The following SBF2 variants were observed in gnomAD, a reference collection of about 807,000 sequenced individuals.
SBF2 encodes myotubularin-related protein 13.
In SBF2, 112 loss-of-function variants were observed where a neutral mutation model predicts 225.2. The ratio of observed to expected loss-of-function variants is 0.50; its 90% CI spans 0.43 to 0.58. The LOEUF (loss-of-function observed/expected upper bound fraction) is 0.58, where lower values mean the gene tolerates loss of function less well. Ranked by LOEUF, SBF2 falls within the 20% of genes least tolerant of loss-of-function variation. The pLI is 0.00. For missense variants in SBF2, 1,996 were observed against 2,206.2 expected, an observed-to-expected ratio of 0.90 and a Z score of 1.91; for synonymous variants, 763 against 773.3, an observed-to-expected ratio of 0.99 and a Z score of 0.22.
At chr11:9,887,810 CT>C (rs907521794) in intron 17 of SBF2, among the ~76,000 whole-genome samples, 17 of 147,442 alleles carry the variant, frequency 1.2e-4, no homozygotes, top group Admixed American at 4.1e-4. Flanking sequence ...CCTCCCCTAT[CT>C]TTTTTTTTTG....
chr11:10,253,403 A>G (rs2096162969), intron 1 of SBF2, among the ~76,000 whole-genome samples: 1 of 152,196 alleles, frequency 6.6e-6, no homozygotes, highest in Admixed American at 6.5e-5. Context: ...ACTATATAAA[A>G]TCAAAAGTAA....
At chr11:10,106,346 G>A (rs1232582020) in intron 2 of SBF2, among the ~76,000 whole-genome samples, 9 of 152,164 alleles carry the variant, frequency 5.9e-5, no homozygotes, top group African/African-American at 2.2e-4. Context: ...AACACAACTG[G>A]CCGGGCACAG....
At chr11:10,062,277 T>C (rs1297246985) in intron 2 of SBF2, among the ~76,000 whole-genome samples, 1 of 152,176 alleles carries the variant, frequency 6.6e-6, no homozygotes, top group Non-Finnish European at 1.5e-5. Context: ...GATCTAGGAA[T>C]AGGCAAAGAT....
chr11:10,033,600 G>A lies in SBF2; in HGVS notation c.280-2430C>T, dbSNP rs1000400057. On this transcript the variant is annotated intron_variant, in intron 3 of 39. Transcript: ENST00000256190. ...AATATCTCTCCTATAAGAATGCAAT[G>A]TCCTAAGTTTAGAGAAAAAATTCTT... Among the ~76,000 whole-genome samples, 4 of 151,854 alleles carry A rather than the reference G, an allele frequency of 2.6e-5. No individual in the cohort carries two copies. In the East Asian group the frequency reaches 7.7e-4, roughly 29 times the overall value.
intron 2 of SBF2, among the ~76,000 whole-genome samples, chr11:10,165,655 G>A (rs1034251473): frequency 6.6e-6 from 1 of 152,130 alleles, no homozygotes; most frequent in African/African-American, 2.4e-5. Context: ...ACTTCAACTA[G>A]ATAGTATCTA....
intron 2 of SBF2, among the ~76,000 whole-genome samples, chr11:10,109,119 A>G (rs147574733): frequency 6.3e-4 from 96 of 152,234 alleles, no homozygotes; most frequent in African/African-American, 2.2e-3. Context: ...TTATTTAGAA[A>G]CCGCCAAATT....
intron 1 of SBF2, among the ~76,000 whole-genome samples, chr11:10,262,084 T>A (rs1210656403): frequency 6.6e-6 from 1 of 152,120 alleles, no homozygotes; most frequent in African/African-American, 2.4e-5. Context: ...TCATTATATG[T>A]GAACATTGCA....
intron 2 of SBF2, among the ~76,000 whole-genome samples, chr11:10,069,521 G>C (rs1950776929): frequency 6.6e-6 from 1 of 152,044 alleles, no homozygotes; most frequent in African/African-American, 2.4e-5. Flanking sequence ...AGTATTCTAT[G>C]GTGTATATGT....
intron 13 of SBF2, among the ~76,000 whole-genome samples, chr11:9,972,546 T>A (rs532333404): frequency 1.3e-5 from 2 of 152,314 alleles, no homozygotes; most frequent in East Asian, 1.9e-4. Context: ...AGTGGCGCGA[T>A]CTCTGCTCGC....
chr11:9,832,265 C>A lies in SBF2; in HGVS notation c.3611G>T (p.Gly1204Val), dbSNP rs781282456. 3.1e-6 allele frequency: 5 copies of A among 1,614,182 alleles called. No homozygotes were observed. The highest frequency in any genetic ancestry group is 4.2e-6 in the Non-Finnish European group (5 of 1,180,052). The change falls in exon 27 of 40, where the codon GGA becomes GTA. Residue 1204 changes from glycine (G) to valine (V), a missense_variant. Physicochemically the swap from Gly to Val is moderately radical, Grantham distance 109. Coordinates refer to ENST00000256190, the MANE Select transcript of SBF2 (RefSeq NM_030962.4). ...LLRSGGFHGK[G>V]VVGLFKSQNS... is the part of the protein sequence containing the mutation. ...CTGAGATTTGAAAAGACCAACGACTCCCTTCCCATGGAATCCTCCAGATCG... is the reference window on the plus strand; with the variant it reads ...CTGAGATTTGAAAAGACCAACGACTACCTTCCCATGGAATCCTCCAGATCG...
intron 1 of SBF2, among the ~76,000 whole-genome samples, chr11:10,237,154 C>G (rs1428080490): frequency 2.6e-5 from 4 of 152,128 alleles, no homozygotes; most frequent in Admixed American, 1.3e-4. Flanking sequence ...TGAGACCAGC[C>G]TGGCCAACAT....
chr11:10,041,899 G>A (rs1949670229), intron 3 of SBF2, among the ~76,000 whole-genome samples: 1 of 149,906 alleles, frequency 6.7e-6, no homozygotes, highest in Non-Finnish European at 1.5e-5. Context: ...GTATTATAGA[G>A]CCTGGAAAGA....
intron 16 of SBF2, among the ~76,000 whole-genome samples, chr11:9,941,341 A>T (rs12098983): frequency 0.12 from 17,656 of 152,132 alleles, 1,145 homozygotes; most frequent in Non-Finnish European, 0.13. Flanking sequence ...AATAAAAAAA[A>T]AAAAATTATC....
At chr11:10,164,003 C>A (rs1955854189) in intron 2 of SBF2, among the ~76,000 whole-genome samples, 1 of 152,146 alleles carries the variant, frequency 6.6e-6, no homozygotes, top group African/African-American at 2.4e-5. Context: ...TCTGGCTTCT[C>A]ACTACTCTAT....
chr11:10,117,776 T>G (rs768620668), intron 2 of SBF2, among the ~76,000 whole-genome samples: 11 of 151,792 alleles, frequency 7.2e-5, no homozygotes, highest in Non-Finnish European at 1.5e-4. Flanking sequence ...TTGTTGGGTT[T>G]TTTTTTTTTC....
intron 17 of SBF2, among the ~76,000 whole-genome samples, chr11:9,890,315 A>G (rs555028664): frequency 6.6e-6 from 1 of 152,308 alleles, no homozygotes; most frequent in East Asian, 1.9e-4. Flanking sequence ...TTACTAATAC[A>G]CACACTTAAG....
intron 1 of SBF2, among the ~76,000 whole-genome samples, chr11:10,220,569 C>A (rs1484523989): frequency 6.6e-6 from 1 of 152,164 alleles, no homozygotes; most frequent in Non-Finnish European, 1.5e-5. Context: ...GGTATCCCTA[C>A]CTCCTGTTTC....
chr11:10,204,864 G>A (rs566580877), intron 1 of SBF2, among the ~76,000 whole-genome samples: 64 of 152,146 alleles, frequency 4.2e-4, no homozygotes, highest in Non-Finnish European at 7.4e-4. Flanking sequence ...GGGAGTGATT[G>A]CTAACGGATA....
At chr11:10,098,085 C>A (rs1378781524) in intron 2 of SBF2, among the ~76,000 whole-genome samples, 1 of 152,158 alleles carries the variant, frequency 6.6e-6, no homozygotes, top group Non-Finnish European at 1.5e-5. Flanking sequence ...CATCTGCCAA[C>A]TAGGCTATAT....
Sources: gnomAD v4.1 joint callset for allele counts (sites outside exome capture counted in the v4.1 genomes callset) on GRCh38, gnomAD v4.1.1 for gene constraint, MANE v1.5 for transcripts, NCBI Gene and HGNC (gene_info 2026-07-23, HGNC 2026-07-21) for gene names.